STX3: variants seen among roughly 807,000 people sequenced by gnomAD.
STX3 encodes the protein syntaxin 3, also known as syntaxin-3.
A neutral mutation model predicts 40.2 loss-of-function variants in STX3; 19 were observed. The observed-to-expected ratio is 0.47, with a 90% CI of 0.33 to 0.69. The LOEUF (loss-of-function observed/expected upper bound fraction) is 0.69, where lower values mean the gene tolerates loss of function less well. Among genes scored for constraint, STX3 ranks in the 30% least tolerant of loss-of-function variants. STX3 has a pLI of 0.02. For synonymous variants in STX3, 122 were observed against 132.2 expected, an observed-to-expected ratio of 0.92 and a Z score of 0.53; for missense variants, 364 against 366.7, an observed-to-expected ratio of 0.99 and a Z score of 0.06.
intron 9 of STX3, among the ~76,000 whole-genome samples, chr11:59,796,513 C>G (rs569432670): frequency 6.6e-6 from 1 of 152,330 alleles, no homozygotes; most frequent in South Asian, 2.1e-4. Context: ...AGTTATTTTA[C>G]ATGGTGAATC....
chr11:59,783,921 C>T (rs961923092), intron 2 of STX3, among the ~76,000 whole-genome samples: 26 of 152,270 alleles, frequency 1.7e-4, no homozygotes, highest in East Asian at 1.9e-4. Context: ...AAGGTTGATG[C>T]GGTCAGAGGA....
At chr11:59,773,645 A>G (rs901510556) in intron 2 of STX3, among the ~76,000 whole-genome samples, 7 of 152,204 alleles carry the variant, frequency 4.6e-5, no homozygotes. Context: ...AAAACATTGC[A>G]TCTTTAGGCT....
chr11:59,785,618 A>G (rs545538144), intron 2 of STX3, among the ~76,000 whole-genome samples: 18 of 152,296 alleles, frequency 1.2e-4, no homozygotes, highest in African/African-American at 4.3e-4. Flanking sequence ...GGTGTGAGCC[A>G]TTGTGCCTGG....
At chr11:59,795,637 C>T (rs930802683) in intron 9 of STX3, 155 bp downstream of exon 9, 7 of 1,538,588 alleles carry the variant, frequency 4.5e-6, no homozygotes, top group East Asian at 2.4e-5. Context: ...ACAACATGGA[C>T]CAGTCAGTGG....
intron 5 of STX3, 121 bp downstream of exon 5, chr11:59,790,707 T>G: frequency 2.7e-6 from 2 of 742,798 alleles, no homozygotes; most frequent in African/African-American, 1.8e-5. Context: ...GAAGACCTGG[T>G]AAAGGAGAAC....
rs949766464 is a variant in STX3 at position 59,802,852 on chromosome 11, T to G, written c.*2028T>G. The G allele has an allele frequency of 6.0e-6, 6 of 998,180 alleles. No homozygotes were observed. The highest frequency in any genetic ancestry group is 7.2e-6 in the Non-Finnish European group (6 of 838,568). 61.8% of individuals were successfully genotyped at this position (998,180 alleles called of 1,614,324 possible). A position where few individuals can be genotyped will look rare whatever the true frequency, so the allele number is the denominator to read the frequency against. On this transcript the variant is annotated 3_prime_UTR_variant, in exon 11 of 11. Transcript: ENST00000337979. Reference sequence around the variant, plus strand: ...CAAAAGTGCAATTTTTGAACATGGTTTAACTCCCACAGAATGCAGTGTAAC... The same window carrying G: ...CAAAAGTGCAATTTTTGAACATGGTGTAACTCCCACAGAATGCAGTGTAAC...
chr11:59,781,100 T>TTATATA (rs1554999891), intron 2 of STX3, among the ~76,000 whole-genome samples: 5 of 146,306 alleles, frequency 3.4e-5, no homozygotes, highest in African/African-American at 1.3e-4. Flanking sequence ...TTTTTTTTTT[T>TTATATA]TATATTAGCA....
chr11:59,769,576 A>T (rs902306566), intron 1 of STX3, among the ~76,000 whole-genome samples: 4 of 152,148 alleles, frequency 2.6e-5, no homozygotes, highest in African/African-American at 7.2e-5. Flanking sequence ...TTCTCACTGA[A>T]GGCGACCAGG....
rs187952435 is a variant in STX3, at chr11:59,774,618, G to A, written c.114+1324G>A. Among the ~76,000 whole-genome samples the A allele has an allele frequency of 2.2e-4, 34 of 152,184 alleles. No homozygotes were observed. The East Asian group carries it at 6.4e-3, about 29-fold the overall frequency. ...GGGGCCGAGGTGGGCGGATCACAAG[G>A]TCAAGAGTTTGAGACCAGCCTGGCC... On this transcript the variant is annotated intron_variant, in intron 2 of 10. Transcript: ENST00000337979.
chr11:59,778,614 G>C (rs1310978036), intron 2 of STX3, among the ~76,000 whole-genome samples: 1 of 152,164 alleles, frequency 6.6e-6, no homozygotes, highest in African/African-American at 2.4e-5. Flanking sequence ...ATGGCAGTGT[G>C]AGGTGCAAAA....
At position 59,757,423 on chromosome 11, in the gene STX3, A is replaced by T. The variant is rs548992038; in HGVS notation, c.30+1788A>T. 9.9e-5 allele frequency among the ~76,000 whole-genome samples: 15 copies of T among 152,284 alleles called. No homozygotes were observed. In the South Asian group the frequency reaches 3.1e-3, roughly 32 times the overall value. ...ACTCCATGGCCCCTTTCAGTAGCTC[A>T]TTGTCAACAATGAGCAAAGAGTCTT... On this transcript the variant is annotated intron_variant, in intron 1 of 10. Coordinates refer to ENST00000337979, the MANE Select transcript of STX3 (RefSeq NM_004177.5).
chr11:59,772,972 G>GA (rs757146813), intron 1 of STX3, among the ~76,000 whole-genome samples: 19 of 107,692 alleles, frequency 1.8e-4, no homozygotes, highest in African/African-American at 7.1e-4. Context: ...CCCCCTGAAA[G>GA]AAACACACAC....
chr11:59,792,030 C>A, intron 5 of STX3, 77 bp from the exon 6 acceptor site: 2 of 1,138,020 alleles, frequency 1.8e-6, no homozygotes, highest in Non-Finnish European at 2.6e-6. Flanking sequence ...TTGTAGATGG[C>A]TATGTGGGGG....
chr11:59,787,064 A>C lies in STX3; in HGVS notation c.142A>C (p.Lys48Gln). The change falls in exon 3 of 11, where the codon AAG becomes CAG. Residue 48 changes from lysine to glutamine, a missense_variant. Physicochemically the swap from Lys to Gln is moderately conservative, Grantham distance 53. Transcript: ENST00000337979. Reference protein sequence around the residue: ...EIEETRLNIDKISEHVEEAKK... With the variant: ...EIEETRLNIDQISEHVEEAKK... Reference sequence around the variant, plus strand: ...TGAGGAAACTCGGCTTAACATTGACAAGATCTCAGAACATGTAGAGGAGGC... The same window carrying C: ...TGAGGAAACTCGGCTTAACATTGACCAGATCTCAGAACATGTAGAGGAGGC... The C allele has an allele frequency of 6.2e-7, 1 of 1,614,138 alleles. No homozygotes were observed. Among genetic ancestry groups the C allele is most frequent in the African/African-American group, 1.3e-5 (1 of 75,028 alleles).
intron 5 of STX3, among the ~76,000 whole-genome samples, 173 bp downstream of exon 5, chr11:59,790,759 T>C (rs1865092475): frequency 1.3e-5 from 2 of 151,954 alleles, no homozygotes; most frequent in Admixed American, 1.3e-4. Flanking sequence ...GTCCAGCCCT[T>C]TTGGCTCCTC....
chr11:59,777,945 A>G lies in STX3; in HGVS notation c.114+4651A>G, dbSNP rs555429952. Among the ~76,000 whole-genome samples, 424 of 152,260 alleles carry G rather than the reference A, an allele frequency of 2.8e-3. 4 individuals carry two copies. The highest frequency in any genetic ancestry group is 4.0e-3 in the Non-Finnish European group (271 of 68,018). On this transcript the variant is annotated intron_variant, in intron 2 of 10. Coordinates refer to ENST00000337979, the MANE Select transcript of STX3 (RefSeq NM_004177.5). ...ATCTTGTAGAGGCTTTTAAAATTTT[A>G]CTGTCTGGTGCCTTTACTGGGGTGG... is the stretch of plus-strand genomic sequence containing the variant.
At chr11:59,795,606 C>T (rs1565191105) in intron 9 of STX3, 124 bp downstream of exon 9, 2 of 1,541,528 alleles carry the variant, frequency 1.3e-6, no homozygotes, top group African/African-American at 1.4e-5. Flanking sequence ...GGAAAGGGAT[C>T]CATGATTGAC....
intron 4 of STX3, among the ~76,000 whole-genome samples, chr11:59,789,770 A>C (rs529334303): frequency 6.6e-6 from 1 of 152,218 alleles, no homozygotes; most frequent in South Asian, 2.1e-4. Flanking sequence ...TAGTCATTTT[A>C]GAGATATATA....
At chr11:59,768,848 C>G (rs1863411182) in intron 1 of STX3, among the ~76,000 whole-genome samples, 1 of 152,054 alleles carries the variant, frequency 6.6e-6, no homozygotes, top group African/African-American at 2.4e-5. Flanking sequence ...CAAAAATACT[C>G]TATTATTACT....
Sources: allele counts gnomAD v4.1 joint callset (sites outside exome capture counted in the v4.1 genomes callset), GRCh38; gene constraint gnomAD v4.1.1; transcripts MANE v1.5; gene names NCBI Gene and HGNC (gene_info 2026-07-23, HGNC 2026-07-21).